SLC24A3: variants seen among roughly 807,000 people sequenced by gnomAD.
SLC24A3 encodes solute carrier family 24 member 3.
In SLC24A3, 28 loss-of-function variants were observed where a neutral mutation model predicts 75.8. The ratio of observed to expected loss-of-function variants is 0.37; its 90% CI spans 0.27 to 0.51. SLC24A3 has a LOEUF of 0.51. SLC24A3 is among the 20% of genes least tolerant of loss of function. The pLI is 0.94. For missense variants in SLC24A3, 663 were observed against 847.8 expected (o/e 0.78, Z 2.71); for synonymous variants, 372 against 334.1 (o/e 1.11, Z -1.24).
intron 2 of SLC24A3, among the ~76,000 whole-genome samples, chr20:19,352,164 A>C (rs1259537894): frequency 1.3e-5 from 2 of 152,138 alleles, no homozygotes; most frequent in African/African-American, 4.8e-5. Context: ...GGCTTAAATT[A>C]CACCCAAAGT....
intron 2 of SLC24A3, among the ~76,000 whole-genome samples, chr20:19,286,447 T>C (rs1243103204): frequency 6.6e-6 from 1 of 152,014 alleles, no homozygotes; most frequent in Non-Finnish European, 1.5e-5. Flanking sequence ...GGGTTTAAAC[T>C]GTGACATCAG....
At chr20:19,381,779 T>C (rs1324440222) in intron 2 of SLC24A3, among the ~76,000 whole-genome samples, 1 of 152,220 alleles carries the variant, frequency 6.6e-6, no homozygotes, top group Non-Finnish European at 1.5e-5. Flanking sequence ...CCAGAATAAA[T>C]GTCTTGAGAT....
intron 2 of SLC24A3, among the ~76,000 whole-genome samples, chr20:19,392,769 C>A (rs369587050): frequency 1.3e-5 from 2 of 152,158 alleles, no homozygotes; most frequent in Non-Finnish European, 2.9e-5. Context: ...TGTCATGCAT[C>A]TTCATTTCAG....
intron 2 of SLC24A3, among the ~76,000 whole-genome samples, chr20:19,314,304 T>TTATTTTATTTTA (rs1984529734): frequency 6.7e-6 from 1 of 149,146 alleles, no homozygotes; most frequent in East Asian, 2.0e-4. Flanking sequence ...TTATTTTATT[T>TTATTTTATTTTA]TATTTTATTT....
At chr20:19,432,029 G>A (rs555657102) in intron 2 of SLC24A3, among the ~76,000 whole-genome samples, 1 of 152,274 alleles carries the variant, frequency 6.6e-6, no homozygotes, top group South Asian at 2.1e-4. Flanking sequence ...TCAGGGGGAA[G>A]ATGCTTTGAA....
rs540532623 is a variant in SLC24A3, at chr20:19,317,615, T to C, written c.271+36528T>C. 3.3e-5 allele frequency among the ~76,000 whole-genome samples: 5 copies of C among 152,298 alleles called. No homozygotes were observed. The South Asian group carries it at 1.0e-3, about 32-fold the overall frequency. On this transcript the variant is annotated intron_variant, in intron 2 of 16. Transcript: ENST00000328041. ...CCATCCCCCGCCCCAGGACACCTGT[T>C]TAGAAAGCTTATGAGGAAGATCTGT... is the stretch of plus-strand genomic sequence containing the variant.
intron 1 of SLC24A3, among the ~76,000 whole-genome samples, chr20:19,222,179 C>A (rs542247158): frequency 1.6e-4 from 24 of 152,172 alleles, no homozygotes; most frequent in African/African-American, 5.8e-4. Context: ...CATCCTGTTC[C>A]GCTTCAGTGG....
At chr20:19,323,279 A>AG (rs1984758408) in intron 2 of SLC24A3, among the ~76,000 whole-genome samples, 1 of 151,938 alleles carries the variant, frequency 6.6e-6, no homozygotes, top group Admixed American at 6.6e-5. Context: ...CATTGAGAAT[A>AG]GAGCTTTGTA....
chr20:19,629,553 C>T (rs1020621102), intron 6 of SLC24A3, among the ~76,000 whole-genome samples: 6 of 152,140 alleles, frequency 3.9e-5, no homozygotes, highest in Non-Finnish European at 7.4e-5. Flanking sequence ...ATTCAAGGAC[C>T]TCATATAACT....
At chr20:19,229,617 GTA>G (rs4052767) in intron 1 of SLC24A3, among the ~76,000 whole-genome samples, 96,332 of 151,276 alleles carry the variant, frequency 0.64, 31,801 homozygotes, top group East Asian at 0.96. Context: ...GTGTGTGTGT[GTA>G]TATATATATA....
At chr20:19,352,486 C>T (rs1600443750) in intron 2 of SLC24A3, among the ~76,000 whole-genome samples, 1 of 152,116 alleles carries the variant, frequency 6.6e-6, no homozygotes, top group Non-Finnish European at 1.5e-5. Flanking sequence ...AGCTTCTACA[C>T]CCATCTCCTC....
At chr20:19,239,665 T>A (rs1208716003) in intron 1 of SLC24A3, among the ~76,000 whole-genome samples, 1 of 152,164 alleles carries the variant, frequency 6.6e-6, no homozygotes, top group Non-Finnish European at 1.5e-5. Flanking sequence ...GAGAGGTGTG[T>A]CATATTAGCA....
At chr20:19,579,747 G>A (rs2031192541) in intron 3 of SLC24A3, among the ~76,000 whole-genome samples, 1 of 152,190 alleles carries the variant, frequency 6.6e-6, no homozygotes, top group African/African-American at 2.4e-5. Flanking sequence ...CAAGTGCAAA[G>A]GCCCTGAGAC....
At chr20:19,449,261 G>A (rs1354193137) in intron 2 of SLC24A3, among the ~76,000 whole-genome samples, 1 of 152,228 alleles carries the variant, frequency 6.6e-6, no homozygotes, top group South Asian at 2.1e-4. Context: ...CAGGGACTGA[G>A]CAGCTTTGCG....
chr20:19,453,881 TCCCAGGCTG>T (rs1381570614), intron 2 of SLC24A3, among the ~76,000 whole-genome samples: 1 of 152,156 alleles, frequency 6.6e-6, no homozygotes, highest in Admixed American at 6.5e-5. Context: ...CTTAGGGTGT[TCCCAGGCTG>T]CCCAGGCTGC....
At chr20:19,319,741 A>G (rs1469959269) in intron 2 of SLC24A3, among the ~76,000 whole-genome samples, 1 of 152,194 alleles carries the variant, frequency 6.6e-6, no homozygotes, top group Non-Finnish European at 1.5e-5. Flanking sequence ...GCAGCAGGAA[A>G]GCACAGGAGT....
chr20:19,357,976 C>T (rs1985720055), intron 2 of SLC24A3, among the ~76,000 whole-genome samples: 1 of 152,214 alleles, frequency 6.6e-6, no homozygotes. Context: ...GCTTTTTAAT[C>T]ATCACTTACC....
chr20:19,352,357 A>T (rs558819534), intron 2 of SLC24A3, among the ~76,000 whole-genome samples: 1 of 152,260 alleles, frequency 6.6e-6, no homozygotes, highest in African/African-American at 2.4e-5. Flanking sequence ...GCACTGCGGT[A>T]CCAACCACTA....
At chr20:19,516,956 C>T (rs550856326) in intron 3 of SLC24A3, among the ~76,000 whole-genome samples, 2 of 152,294 alleles carry the variant, frequency 1.3e-5, no homozygotes, top group African/African-American at 2.4e-5. Context: ...CCTCTTACGA[C>T]CCACAGGCCA....
Sources: gnomAD v4.1 joint callset for allele counts (sites outside exome capture counted in the v4.1 genomes callset) on GRCh38, gnomAD v4.1.1 for gene constraint, MANE v1.5 for transcripts, NCBI Gene and HGNC (gene_info 2026-07-23, HGNC 2026-07-21) for gene names.